The following GRIP1 variants were observed in gnomAD, a reference collection of about 807,000 sequenced individuals.
GRIP1 encodes the protein glutamate receptor interacting protein 1.
A neutral mutation model predicts 129.9 loss-of-function variants in GRIP1; 45 were observed. The observed-to-expected ratio is 0.35, with a 90% confidence interval of 0.27 to 0.44. The LOEUF is 0.44. Ranked by LOEUF, GRIP1 falls within the 20% of genes least tolerant of loss-of-function variation. The pLI is 1.00. For synonymous variants in GRIP1, 530 were observed against 520.8 expected (o/e 1.02, Z -0.24); for missense variants, 1,196 against 1,396.8 (o/e 0.86, Z 2.29).
intron 7 of GRIP1, among the ~76,000 whole-genome samples, chr12:66,491,135 A>C (rs1442592740): frequency 6.6e-6 from 1 of 152,174 alleles, no homozygotes; most frequent in East Asian, 1.9e-4. Context: ...AAGGAATATG[A>C]ATTATTCTAT....
chr12:66,464,108 C>T (rs2059214497), intron 8 of GRIP1, among the ~76,000 whole-genome samples: 1 of 152,184 alleles, frequency 6.6e-6, no homozygotes, highest in Non-Finnish European at 1.5e-5. Flanking sequence ...ACAGGGGAGA[C>T]TGGTCATTCA....
intron 11 of GRIP1, among the ~76,000 whole-genome samples, chr12:66,452,175 C>T (rs961202172): frequency 2.0e-5 from 3 of 152,188 alleles, no homozygotes; most frequent in African/African-American, 7.2e-5. Flanking sequence ...CTAGCTAGAT[C>T]TGTTGCTCAG....
At chr12:67,010,775 C>G (rs770340700) in intron 1 of GRIP1, among the ~76,000 whole-genome samples, 2 of 152,072 alleles carry the variant, frequency 1.3e-5, no homozygotes, top group African/African-American at 4.8e-5. Flanking sequence ...TGTGCAGCAG[C>G]ATGGACATAT....
intron 4 of GRIP1, among the ~76,000 whole-genome samples, chr12:66,538,355 A>G (rs1387814117): frequency 2.6e-5 from 4 of 151,830 alleles, no homozygotes; most frequent in Non-Finnish European, 2.9e-5. Flanking sequence ...ATATGCCACC[A>G]TGCCCGACTA....
intron 1 of GRIP1, among the ~76,000 whole-genome samples, chr12:66,887,055 G>A (rs1173368363): frequency 1.3e-5 from 2 of 152,192 alleles, no homozygotes; most frequent in African/African-American, 4.8e-5. Flanking sequence ...GAAAGTTGGG[G>A]AATCGAGAAA....
At chr12:66,917,006 T>C (rs2041134841) in intron 1 of GRIP1, among the ~76,000 whole-genome samples, 1 of 152,174 alleles carries the variant, frequency 6.6e-6, no homozygotes, top group Non-Finnish European at 1.5e-5. Flanking sequence ...AGCTAGAAAA[T>C]ATTTGTTTCC....
At chr12:66,960,342 T>G (rs1474099512) in intron 1 of GRIP1, among the ~76,000 whole-genome samples, 1 of 151,764 alleles carries the variant, frequency 6.6e-6, no homozygotes, top group East Asian at 1.9e-4. Context: ...TGGGGTAGGG[T>G]TGGAATGCAA....
intron 1 of GRIP1, among the ~76,000 whole-genome samples, chr12:66,921,525 C>G (rs12299071): frequency 0.062 from 9,396 of 152,208 alleles, 977 homozygotes; most frequent in African/African-American, 0.21. Context: ...GCATGGATTT[C>G]TCCTAGTACT....
intron 1 of GRIP1, among the ~76,000 whole-genome samples, chr12:66,723,312 T>TC (rs1565988215): frequency 1.8e-4 from 12 of 67,226 alleles, no homozygotes; most frequent in African/African-American, 6.0e-4. Flanking sequence ...TTCTTTTTTT[T>TC]TTTTTTTTTT....
intron 1 of GRIP1, among the ~76,000 whole-genome samples, chr12:66,637,250 T>C (rs2031483334): frequency 6.6e-6 from 1 of 151,960 alleles, no homozygotes; most frequent in Non-Finnish European, 1.5e-5. Flanking sequence ...GATAAATAAG[T>C]TTAAAAACAC....
intron 1 of GRIP1, among the ~76,000 whole-genome samples, chr12:67,049,807 G>C (rs1313765113): frequency 6.6e-6 from 1 of 150,888 alleles, no homozygotes; most frequent in Non-Finnish European, 1.5e-5. Flanking sequence ...ACCTATTTGA[G>C]ATGAATTGTC....
rs1277219236 is a variant in GRIP1 at position 66,952,986 on chromosome 12, AT to A, written c.58+116063del. 6.6e-5 allele frequency among the ~76,000 whole-genome samples: 10 copies of A among 152,370 alleles called. No homozygotes were observed. In the East Asian group the frequency reaches 1.7e-3, roughly 26 times the overall value. On this transcript the variant is annotated intron_variant, in intron 1 of 1. Transcript: ENST00000643019. ...TAGCTTGACTATGCCACACATAGAT[AT>A]TTAAATTCCAAAGTTTGTTGTGTAT...
At chr12:67,046,679 T>C (rs947038213) in intron 1 of GRIP1, among the ~76,000 whole-genome samples, 1 of 152,122 alleles carries the variant, frequency 6.6e-6, no homozygotes, top group African/African-American at 2.4e-5. Flanking sequence ...ATAAAAACAA[T>C]CCCTAAACTT....
intron 7 of GRIP1, among the ~76,000 whole-genome samples, chr12:66,514,156 T>G (rs892392213): frequency 6.6e-6 from 1 of 152,194 alleles, no homozygotes; most frequent in Non-Finnish European, 1.5e-5. Flanking sequence ...TACTGTCTGT[T>G]TTTCCTATCC....
At chr12:66,833,168 T>A (rs953749038) in intron 1 of GRIP1, among the ~76,000 whole-genome samples, 1 of 152,198 alleles carries the variant, frequency 6.6e-6, no homozygotes, top group Non-Finnish European at 1.5e-5. Context: ...AGGAAGGTGT[T>A]TGATTCAGTC....
intron 1 of GRIP1, among the ~76,000 whole-genome samples, chr12:66,758,345 T>C (rs2037364006): frequency 6.6e-6 from 1 of 152,130 alleles, no homozygotes; most frequent in African/African-American, 2.4e-5. Context: ...ATCACAAGAA[T>C]AGCATGGGAA....
At chr12:67,022,070 T>A (rs1447981763) in intron 1 of GRIP1, among the ~76,000 whole-genome samples, 3 of 152,186 alleles carry the variant, frequency 2.0e-5, no homozygotes, top group African/African-American at 7.2e-5. Flanking sequence ...ATACTTAGGT[T>A]GATTCCCTAT....
intron 1 of GRIP1, among the ~76,000 whole-genome samples, chr12:66,715,905 C>T (rs1018895601): frequency 2.6e-5 from 4 of 151,836 alleles, no homozygotes; most frequent in African/African-American, 4.8e-5. Context: ...CCCCTTTGAC[C>T]GAAAGAAGCA....
At chr12:66,519,122 C>T (rs2060929233) in intron 5 of GRIP1, among the ~76,000 whole-genome samples, 1 of 151,348 alleles carries the variant, frequency 6.6e-6, no homozygotes, top group Non-Finnish European at 1.5e-5. Context: ...GAAAGGTCAA[C>T]TTATAGAAAA....
Sources: gnomAD v4.1 joint callset for allele counts (sites outside exome capture counted in the v4.1 genomes callset) on GRCh38, gnomAD v4.1.1 for gene constraint, MANE v1.5 for transcripts, NCBI Gene and HGNC (gene_info 2026-07-23, HGNC 2026-07-21) for gene names.